The following ATRNL1 variants were observed in gnomAD, a reference collection of about 807,000 sequenced individuals.
ATRNL1 encodes the protein attractin like 1.
Under a neutral mutation model 182.7 loss-of-function variants are expected in ATRNL1, and 95 were observed. That is an observed-to-expected ratio of 0.52 (90% CI 0.44 to 0.62). ATRNL1 has a LOEUF of 0.62. Among genes scored for constraint, ATRNL1 ranks in the 20% least tolerant of loss-of-function variants. ATRNL1 has a pLI of 0.00. For synonymous variants in ATRNL1, 576 were observed against 568.3 expected, an observed-to-expected ratio of 1.01 and a Z score of -0.19; for missense variants, 1,471 against 1,679.5, an observed-to-expected ratio of 0.88 and a Z score of 2.17.
intron 8 of ATRNL1, among the ~76,000 whole-genome samples, chr10:115,201,663 G>A (rs1364637024): frequency 6.6e-6 from 1 of 152,114 alleles, no homozygotes; most frequent in African/African-American, 2.4e-5. Flanking sequence ...GTCAGGTAGA[G>A]TGATGCCTCC....
intron 20 of ATRNL1, among the ~76,000 whole-genome samples, chr10:115,404,914 A>C (rs1844746053): frequency 1.3e-5 from 2 of 151,184 alleles, no homozygotes; most frequent in South Asian, 4.2e-4. Context: ...TTACATTCAC[A>C]TAAGGCATAA....
At chr10:115,209,226 A>C (rs2144363257) in intron 8 of ATRNL1, among the ~76,000 whole-genome samples, 1 of 151,840 alleles carries the variant, frequency 6.6e-6, no homozygotes, top group South Asian at 2.1e-4. Flanking sequence ...TTTATTTCGC[A>C]CTAAAAAGTT....
At chr10:115,376,950 C>T (rs1857708546) in intron 19 of ATRNL1, among the ~76,000 whole-genome samples, 1 of 152,050 alleles carries the variant, frequency 6.6e-6, no homozygotes, top group Admixed American at 6.5e-5. Context: ...AATGATCTAT[C>T]TCTGAGTTTG....
chr10:115,907,138 G>A (rs1565476821), intron 28 of ATRNL1, among the ~76,000 whole-genome samples: 1 of 152,200 alleles, frequency 6.6e-6, no homozygotes, highest in Non-Finnish European at 1.5e-5. Context: ...TCTTCTAAGT[G>A]GTAGAGTCCA....
chr10:115,436,545 A>G (rs940764772), intron 21 of ATRNL1, among the ~76,000 whole-genome samples: 1 of 152,156 alleles, frequency 6.6e-6, no homozygotes, highest in African/African-American at 2.4e-5. Context: ...AAATTGTTCT[A>G]AATGTTCCAG....
At chr10:115,646,467 A>C (rs1555032496) in intron 26 of ATRNL1, among the ~76,000 whole-genome samples, 3 of 152,072 alleles carry the variant, frequency 2.0e-5, no homozygotes, top group Non-Finnish European at 4.4e-5. Flanking sequence ...AGCTAGCAGA[A>C]TGTTAAAGAG....
chr10:115,299,242 A>G (rs1554923679), intron 15 of ATRNL1, among the ~76,000 whole-genome samples: 3 of 151,870 alleles, frequency 2.0e-5, no homozygotes, highest in East Asian at 1.9e-4. Flanking sequence ...TGGATCATGA[A>G]TATATCATTT....
chr10:115,727,418 A>G (rs947915330), intron 27 of ATRNL1, 63 bp downstream of exon 27: 1 of 1,244,596 alleles, frequency 8.0e-7, no homozygotes, highest in Non-Finnish European at 1.2e-6. Flanking sequence ...TTGCTTCTCT[A>G]ATCTACATCT....
At chr10:115,300,655 A>G (rs1263160387) in intron 16 of ATRNL1, among the ~76,000 whole-genome samples, 1 of 152,182 alleles carries the variant, frequency 6.6e-6, no homozygotes, top group Non-Finnish European at 1.5e-5. Flanking sequence ...ATCTTCTGAA[A>G]TGGATTTTTG....
At chr10:115,147,739 A>G (rs558783323) in intron 5 of ATRNL1, among the ~76,000 whole-genome samples, 28 of 152,040 alleles carry the variant, frequency 1.8e-4, no homozygotes, top group African/African-American at 5.8e-4. Context: ...GCTTTCTCCA[A>G]TGTATGTTCT....
intron 27 of ATRNL1, among the ~76,000 whole-genome samples, chr10:115,764,913 A>G (rs1948820486): frequency 6.6e-6 from 1 of 152,158 alleles, no homozygotes; most frequent in Non-Finnish European, 1.5e-5. Flanking sequence ...ACCTCAGGCA[A>G]TCCGCCCGCC....
intron 20 of ATRNL1, among the ~76,000 whole-genome samples, chr10:115,403,835 T>C (rs1287890399): frequency 1.3e-5 from 2 of 152,220 alleles, no homozygotes; most frequent in Non-Finnish European, 2.9e-5. Flanking sequence ...GGTTTCTTTG[T>C]GATAATGAGT....
chr10:115,558,994 A>C (rs1554998190), intron 26 of ATRNL1, among the ~76,000 whole-genome samples: 1 of 152,110 alleles, frequency 6.6e-6, no homozygotes, highest in African/African-American at 2.4e-5. Context: ...CTTGTATGGC[A>C]AGAAGCTCTT....
intron 27 of ATRNL1, among the ~76,000 whole-genome samples, chr10:115,780,520 G>T (rs79854185): frequency 6.6e-6 from 1 of 152,026 alleles, no homozygotes; most frequent in African/African-American, 2.4e-5. Context: ...CAAACCCCAG[G>T]CTGAAGAGCT....
intron 26 of ATRNL1, among the ~76,000 whole-genome samples, chr10:115,648,481 GA>G (rs1464345846): frequency 6.6e-6 from 1 of 152,090 alleles, no homozygotes; most frequent in Admixed American, 6.6e-5. Context: ...AACCAAAAAA[GA>G]GCCCACATTG....
intron 18 of ATRNL1, among the ~76,000 whole-genome samples, chr10:115,317,212 G>C (rs2134018924): frequency 6.6e-6 from 1 of 152,252 alleles, no homozygotes; most frequent in South Asian, 2.1e-4. Flanking sequence ...GTTTGTTGAA[G>C]ATCAGATGGT....
rs1211254856 is a variant in ATRNL1 at position 115,948,374 on chromosome 10, G to A, written c.*3595G>A. On this transcript the variant is annotated 3_prime_UTR_variant, in exon 29 of 29. Transcript: ENST00000355044. ...AGGTGTCTTATATTTAAAAAAGATTGTAAAATGAAAACTGACCAAATGAAC... is the reference window on the plus strand; with the variant it reads ...AGGTGTCTTATATTTAAAAAAGATTATAAAATGAAAACTGACCAAATGAAC... 6.6e-6 allele frequency: 1 copy of A among 152,134 alleles called. No homozygotes were observed. Among genetic ancestry groups the A allele is most frequent in the Non-Finnish European group, 1.5e-5 (1 of 68,026 alleles). 9.4% of individuals were successfully genotyped at this position (152,134 alleles called of 1,614,324 possible). A position where few individuals can be genotyped will look rare whatever the true frequency, so the allele number is the denominator to read the frequency against.
Position 115,201,676 on chromosome 10 carries a change from C to G in ATRNL1, c.1349-14021C>G, listed in dbSNP as rs1387589809. Among the ~76,000 whole-genome samples, 3 of 152,088 alleles carry G rather than the reference C, an allele frequency of 2.0e-5. No individual in the cohort carries two copies. The East Asian group carries it at 5.8e-4, about 29-fold the overall frequency. Reference sequence around the variant, plus strand: ...AAGTCAGGTAGAGTGATGCCTCCAGCTTTGTTCTTTTGGCTTAGGATTGAC... The same window carrying G: ...AAGTCAGGTAGAGTGATGCCTCCAGGTTTGTTCTTTTGGCTTAGGATTGAC... On this transcript the variant is annotated intron_variant, in intron 8 of 28. Transcript: ENST00000355044.
At chr10:115,153,789 T>C (rs1355101515) in intron 5 of ATRNL1, among the ~76,000 whole-genome samples, 3 of 152,220 alleles carry the variant, frequency 2.0e-5, no homozygotes, top group Admixed American at 6.5e-5. Flanking sequence ...CTTGCTTCTC[T>C]AGTTCTTTTA....
Sources: allele counts gnomAD v4.1 joint callset (sites outside exome capture counted in the v4.1 genomes callset), GRCh38; gene constraint gnomAD v4.1.1; transcripts MANE v1.5; gene names NCBI Gene and HGNC (gene_info 2026-07-23, HGNC 2026-07-21).